Variants in UBE2J1 observed in about 807,000 individuals in gnomAD.
The protein encoded by UBE2J1 is ubiquitin-conjugating enzyme E2 J1.
UBE2J1 carries 17 observed loss-of-function variants against 42.1 expected under a neutral mutation model. The observed-to-expected ratio is 0.40, with a 90% CI of 0.28 to 0.61. The LOEUF is 0.61. Ranked by LOEUF, UBE2J1 falls within the 20% of genes least tolerant of loss-of-function variation. The probability of loss-of-function intolerance (pLI) is 0.38; values close to 1 mark genes in which losing one functional copy is unlikely to be tolerated. For synonymous variants in UBE2J1, 127 were observed against 137.2 expected, an observed-to-expected ratio of 0.93 and a Z score of 0.52; for missense variants, 291 against 389.4, an observed-to-expected ratio of 0.75 and a Z score of 2.13.
At position 89,344,121 on chromosome 6, in the gene UBE2J1, T is replaced by A. The variant is rs534887852; in HGVS notation, c.32-365A>T. On this transcript the variant is annotated intron_variant, in intron 1 of 7. Coordinates refer to ENST00000435041, the MANE Select transcript of UBE2J1 (RefSeq NM_016021.3). ...ATTATTTTTATCCCCATTTTCCAGA[T>A]GAAGAAGCCGAGACACGGAGAGATT... is the stretch of plus-strand genomic sequence containing the variant. Among the ~76,000 whole-genome samples, 11 of 152,236 alleles carry A rather than the reference T, an allele frequency of 7.2e-5. No individual in the cohort carries two copies. The East Asian group carries it at 2.1e-3, about 29-fold the overall frequency.
chr6:89,338,950 C>T (rs1245228137), intron 3 of UBE2J1, among the ~76,000 whole-genome samples: 1 of 151,946 alleles, frequency 6.6e-6, no homozygotes. Flanking sequence ...CAGGCATGAG[C>T]CACCGCGCCC....
At chr6:89,336,297 TG>T (rs1172738949) in intron 5 of UBE2J1, among the ~76,000 whole-genome samples, 1 of 151,916 alleles carries the variant, frequency 6.6e-6, no homozygotes, top group African/African-American at 2.4e-5. Flanking sequence ...TTTGTTTGTT[TG>T]TTTGTTTGAG....
rs183648144 is a variant in UBE2J1, at chr6:89,334,202, A to G, written c.559-997T>C. Among the ~76,000 whole-genome samples the G allele has an allele frequency of 2.5e-4, 38 of 151,858 alleles. No individual in the cohort carries two copies. In the East Asian group the frequency reaches 6.9e-3, roughly 27 times the overall value. On this transcript the variant is annotated intron_variant, in intron 6 of 7. Coordinates refer to ENST00000435041, the MANE Select transcript of UBE2J1 (RefSeq NM_016021.3). ...GTATTTTTAGTAGAGACAGGGTTTC[A>G]CCGTGTTAGCCTGGATGGTCTCAAT... is the stretch of plus-strand genomic sequence containing the variant.
At chr6:89,345,148 T>C (rs973008738) in intron 1 of UBE2J1, among the ~76,000 whole-genome samples, 2 of 151,936 alleles carry the variant, frequency 1.3e-5, no homozygotes, top group Non-Finnish European at 2.9e-5. Flanking sequence ...GAAATAACAG[T>C]AGAAACTCCC....
In UBE2J1 at chr6:89,343,824, G is replaced by A. The variant is rs140719794; in HGVS notation, c.32-68C>T. 72 of 1,257,026 alleles carry A rather than the reference G, an allele frequency of 5.7e-5. No homozygotes were observed. In the South Asian group the frequency reaches 5.8e-4, roughly 10 times the overall value. The allele number at this position is 1,257,026 out of a possible 1,614,324, so 77.9% of individuals were successfully genotyped here. A position where few individuals can be genotyped will look rare whatever the true frequency, so the allele number is the denominator to read the frequency against. On this transcript the variant is annotated intron_variant, in intron 1 of 7. Coordinates refer to ENST00000435041, the MANE Select transcript of UBE2J1 (RefSeq NM_016021.3). ...TTCTGAATGATTAGCACAGTCTTAC[G>A]AGCCTAATGAAAAAATGTGTAGAGA...
At position 89,345,902 on chromosome 6, in the gene UBE2J1, C is replaced by G. The variant is rs547134144; in HGVS notation, c.32-2146G>C. ...AGCCTGGGCAACAAGAGCGAAACTA[C>G]GTCTAAAAAAAAAAAAAAAAGCCCT... On this transcript the variant is annotated intron_variant, in intron 1 of 7. Coordinates refer to ENST00000435041, the MANE Select transcript of UBE2J1 (RefSeq NM_016021.3). 5.2e-5 allele frequency among the ~76,000 whole-genome samples: 6 copies of G among 116,112 alleles called. No individual in the cohort carries two copies. In the South Asian group the frequency reaches 1.9e-3, roughly 37 times the overall value. 76.2% of individuals were successfully genotyped at this position (116,112 alleles called of 152,430 possible).
At chr6:89,352,410 T>C in intron 1 of UBE2J1, 129 bp downstream of exon 1, 2 of 1,071,318 alleles carry the variant, frequency 1.9e-6, no homozygotes, top group Middle Eastern at 3.0e-4. Flanking sequence ...CAGGCGGCGG[T>C]CTCGCGTAGA....
intron 7 of UBE2J1, among the ~76,000 whole-genome samples, chr6:89,330,869 T>C (rs748678258): frequency 3.3e-5 from 5 of 152,186 alleles, no homozygotes; most frequent in Non-Finnish European, 7.3e-5. Flanking sequence ...ATAACCAGCA[T>C]GTGTGAGGGA....
At chr6:89,342,083 C>A (rs1768255862) in intron 3 of UBE2J1, among the ~76,000 whole-genome samples, 1 of 152,146 alleles carries the variant, frequency 6.6e-6, no homozygotes, top group South Asian at 2.1e-4. Context: ...TATATTAATT[C>A]ATTGAATCCT....
chr6:89,350,636 G>A (rs1385934806), intron 1 of UBE2J1, among the ~76,000 whole-genome samples: 1 of 151,448 alleles, frequency 6.6e-6, no homozygotes, highest in Non-Finnish European at 1.5e-5. Context: ...AATGAAACCA[G>A]AAAAAGGAAG....
intron 1 of UBE2J1, 115 bp from the exon 2 acceptor site, chr6:89,343,871 G>T: frequency 1.4e-6 from 1 of 690,410 alleles, no homozygotes; most frequent in Non-Finnish European, 2.3e-6. Flanking sequence ...TGAGCATATG[G>T]CAAAGGTTTA....
Position 89,352,544 on chromosome 6 carries a change from C to G in UBE2J1, c.26G>C (p.Ser9Thr). 6.4e-7 allele frequency: 1 copy of G among 1,571,758 alleles called. No homozygotes were observed. Among genetic ancestry groups the G allele is most frequent in the Non-Finnish European group, 8.6e-7 (1 of 1,165,202 alleles). METRYNLK[S>T]PAVKRLMKEA... ...GGGGCCCCAGCCCTGCTCACCCGGA[C>G]TCTTCAGGTTGTAGCGGGTCTCCAT... The change falls in exon 1 of 8, where the codon AGT (serine) becomes ACT (threonine). Residue 9 changes from serine (S) to threonine (T), a missense_variant. Coordinates refer to ENST00000435041, the MANE Select transcript of UBE2J1 (RefSeq NM_016021.3).
At chr6:89,338,705 A>C (rs377671491) in intron 3 of UBE2J1, among the ~76,000 whole-genome samples, 162 bp from the exon 4 acceptor site, 5 of 116,954 alleles carry the variant, frequency 4.3e-5, no homozygotes, top group Non-Finnish European at 8.0e-5. Context: ...TCGCTCTGTC[A>C]CCCAGGCTGG....
At chr6:89,346,778 C>G (rs16881720) in intron 1 of UBE2J1, among the ~76,000 whole-genome samples, 1 of 152,112 alleles carries the variant, frequency 6.6e-6, no homozygotes, top group African/African-American at 2.4e-5. Flanking sequence ...GCCCTAGAGA[C>G]CAGGTTGAGT....
chr6:89,337,017 T>A (rs1319069800), intron 5 of UBE2J1, among the ~76,000 whole-genome samples: 2 of 152,070 alleles, frequency 1.3e-5, no homozygotes, highest in Non-Finnish European at 2.9e-5. Context: ...TTTTTGTATT[T>A]TTTTGTAGAG....
At chr6:89,337,202 C>G (rs963607782) in intron 5 of UBE2J1, among the ~76,000 whole-genome samples, 3 of 150,692 alleles carry the variant, frequency 2.0e-5, no homozygotes, top group African/African-American at 7.3e-5. Flanking sequence ...CAGTGAGAAG[C>G]CTAGAAGAAC....
chr6:89,348,082 G>T (rs1481709664), intron 1 of UBE2J1, among the ~76,000 whole-genome samples: 3 of 152,216 alleles, frequency 2.0e-5, no homozygotes, highest in Admixed American at 2.0e-4. Flanking sequence ...CCGGGCTACA[G>T]CATAGTCTGC....
chr6:89,333,653 C>A (rs192873682), intron 6 of UBE2J1, among the ~76,000 whole-genome samples: 2 of 152,202 alleles, frequency 1.3e-5, no homozygotes. Flanking sequence ...TGCCCCAGAT[C>A]GCACGGCAGG....
intron 3 of UBE2J1, among the ~76,000 whole-genome samples, chr6:89,340,641 T>A (rs548819042): frequency 6.6e-6 from 1 of 152,202 alleles, no homozygotes; most frequent in Non-Finnish European, 1.5e-5. Flanking sequence ...AACCCACCCA[T>A]AGTGTAATGG....
Sources: gnomAD v4.1 joint callset for allele counts (sites outside exome capture counted in the v4.1 genomes callset) on GRCh38, gnomAD v4.1.1 for gene constraint, MANE v1.5 for transcripts, NCBI Gene and HGNC (gene_info 2026-07-23, HGNC 2026-07-21) for gene names.